Variants in MARCHF6 observed in about 807,000 individuals in gnomAD.
MARCHF6 encodes the protein membrane associated ring-CH-type finger 6.
A neutral mutation model predicts 133.7 loss-of-function variants in MARCHF6; 31 were observed. The observed-to-expected ratio is 0.23, with a 90% CI of 0.17 to 0.31. The LOEUF is 0.31. Among genes scored for constraint, MARCHF6 ranks in the 10% least tolerant of loss-of-function variants. The probability of loss-of-function intolerance (pLI) is 1.00; values close to 1 mark genes in which losing one functional copy is unlikely to be tolerated. For missense variants in MARCHF6, 723 were observed against 1,121.6 expected, an observed-to-expected ratio of 0.64 and a Z score of 5.08; for synonymous variants, 395 against 402.5, an observed-to-expected ratio of 0.98 and a Z score of 0.22.
At chr5:10,420,182 A>G (rs1455109683) in intron 22 of MARCHF6, among the ~76,000 whole-genome samples, 1 of 152,200 alleles carries the variant, frequency 6.6e-6, no homozygotes. Context: ...GTGACCCCAC[A>G]AACAAGAAGC....
rs1426134820 is a variant in MARCHF6 at position 10,418,388 on chromosome 5, A to G, written c.2283+984A>G. On this transcript the variant is annotated intron_variant, in intron 22 of 25. Coordinates refer to ENST00000274140, the MANE Select transcript of MARCHF6 (RefSeq NM_005885.4). ...AGAGTGAGACCCTGTCTCCAAAAAA[A>G]AAAAAAAAACCAAGAGCATCCTGAG... 2.6e-5 allele frequency among the ~76,000 whole-genome samples: 4 copies of G among 151,992 alleles called. No individual in the cohort carries two copies. In the East Asian group the frequency reaches 7.7e-4, roughly 29 times the overall value.
intron 11 of MARCHF6, chr5:10,401,120 C>T: frequency 2.8e-6 from 1 of 355,388 alleles, no homozygotes; most frequent in South Asian, 4.5e-5. Context: ...TTCTGTCCAT[C>T]TCAAGAACCT....
chr5:10,354,371 C>A (rs972173783), intron 1 of MARCHF6, among the ~76,000 whole-genome samples: 1 of 152,144 alleles, frequency 6.6e-6, no homozygotes, highest in Admixed American at 6.5e-5. Context: ...TTTGAAACTT[C>A]GCGAAAAATA....
intron 1 of MARCHF6, among the ~76,000 whole-genome samples, chr5:10,358,406 G>C (rs1296050586): frequency 6.6e-6 from 1 of 152,128 alleles, no homozygotes; most frequent in Non-Finnish European, 1.5e-5. Flanking sequence ...CCAGCTTTCT[G>C]TATTTGTGGG....
intron 1 of MARCHF6, among the ~76,000 whole-genome samples, chr5:10,370,595 C>T (rs973336972): frequency 2.6e-5 from 4 of 152,070 alleles, no homozygotes; most frequent in African/African-American, 9.6e-5. Context: ...ATTCCTCTTT[C>T]GGTGAGTGTG....
Position 10,378,692 on chromosome 5 carries a change from T to C in MARCHF6, c.117-67T>C, listed in dbSNP as rs1736935396. 3.0e-6 allele frequency: 3 copies of C among 1,007,266 alleles called. No individual in the cohort carries two copies. The Admixed American group carries it at 6.8e-5, about 23-fold the overall frequency. The allele number at this position is 1,007,266 out of a possible 1,614,324, so 62.4% of individuals were successfully genotyped here. ...ATATACATTTTTAATAAAAACAATGTTTTCGACAAAACTGTAATGTTTCTT... is the reference window on the plus strand; with the variant it reads ...ATATACATTTTTAATAAAAACAATGCTTTCGACAAAACTGTAATGTTTCTT... On this transcript the variant is annotated intron_variant, in intron 2 of 25. Transcript: ENST00000274140.
chr5:10,398,500 G>T (rs1219149053), intron 10 of MARCHF6, among the ~76,000 whole-genome samples: 1 of 151,992 alleles, frequency 6.6e-6, no homozygotes, highest in East Asian at 1.9e-4. Context: ...TTACATGTGG[G>T]GGTGTCTGTA....
intron 10 of MARCHF6, among the ~76,000 whole-genome samples, chr5:10,399,680 A>G (rs2126755517): frequency 6.6e-6 from 1 of 152,278 alleles, no homozygotes; most frequent in African/African-American, 2.4e-5. Context: ...AATCCATCAT[A>G]TTCAAACTCT....
At chr5:10,415,730 C>A (rs567395821) in intron 21 of MARCHF6, 61 bp downstream of exon 21, 3 of 1,410,640 alleles carry the variant, frequency 2.1e-6, no homozygotes, top group South Asian at 1.6e-5. Context: ...TTTTTCCAGT[C>A]ATCTTAAATT....
chr5:10,394,719 TTAAA>T (rs751943047), intron 8 of MARCHF6, 30 bp from the exon 9 acceptor site: 2 of 1,550,926 alleles, frequency 1.3e-6, no homozygotes, highest in Non-Finnish European at 8.8e-7. Flanking sequence ...CTGTTGCATC[TTAAA>T]TTAATGCTTA....
chr5:10,418,581 C>T (rs1296138721), intron 22 of MARCHF6, among the ~76,000 whole-genome samples: 1 of 152,088 alleles, frequency 6.6e-6, no homozygotes, highest in Non-Finnish European at 1.5e-5. Context: ...CATTCAAAGG[C>T]TTTTTAGCTT....
Position 10,434,147 on chromosome 5 carries a change from A to C in MARCHF6, c.*463A>C, listed in dbSNP as rs1452733596. 6.4e-6 allele frequency: 1 copy of C among 156,380 alleles called. No homozygotes were observed. The highest frequency in any genetic ancestry group is 1.4e-5 in the Non-Finnish European group (1 of 70,276). 9.7% of individuals were successfully genotyped at this position (156,380 alleles called of 1,614,324 possible). On this transcript the variant is annotated 3_prime_UTR_variant, in exon 26 of 26. Transcript: ENST00000274140. ...ACTGTACATTCTTTCTTTCTTGGCT[A>C]TTCAGACCTTACCAAGAACGTTAAA...
intron 6 of MARCHF6, among the ~76,000 whole-genome samples, chr5:10,391,127 G>GT (rs1448180829): frequency 1.3e-5 from 2 of 152,132 alleles, no homozygotes; most frequent in Non-Finnish European, 2.9e-5. Context: ...TTGTTTTCTA[G>GT]TTTTTTGTTT....
Position 10,353,892 on chromosome 5 carries a change from A to C in MARCHF6, c.-7A>C. 3.2e-6 allele frequency: 5 copies of C among 1,564,434 alleles called. No individual in the cohort carries two copies. Among genetic ancestry groups the C allele is most frequent in the Non-Finnish European group, 4.3e-6 (5 of 1,159,648 alleles). On this transcript the variant is annotated 5_prime_UTR_variant, in exon 1 of 26. Transcript: ENST00000274140. ...GTGGCTGCGTCACCGCCGCCCCCCC[A>C]GACAAGATGGACACCGCGGAGGAAG...
chr5:10,403,309 T>G, intron 14 of MARCHF6, 98 bp from the exon 15 acceptor site: 1 of 1,182,776 alleles, frequency 8.5e-7, no homozygotes, highest in Non-Finnish European at 1.2e-6. Flanking sequence ...AATTGTTCCT[T>G]GCATGCATAT....
Position 10,386,991 on chromosome 5 carries a change from T to C in MARCHF6, c.335-3T>C, listed in dbSNP as rs1248890686. ...TGTGTGCCATCATGCTCTTTTTCGG[T>C]AGGCCGCATCTACAAGTGCTTGTTT... On this transcript the variant is annotated splice_polypyrimidine_tract_variant and splice_region_variant and intron_variant, in intron 4 of 25. Transcript: ENST00000274140. 2.7e-5 allele frequency: 43 copies of C among 1,612,522 alleles called. No individual in the cohort carries two copies. Among genetic ancestry groups the C allele is most frequent in the Non-Finnish European group, 3.6e-5 (43 of 1,178,758 alleles).
Position 10,387,086 on chromosome 5 carries a change from G to T in MARCHF6, c.407+20G>T. The T allele has an allele frequency of 6.3e-7, 1 of 1,575,444 alleles. No homozygotes were observed. The highest frequency in any genetic ancestry group is 1.1e-5 in the South Asian group (1 of 88,428). ...GTCAACGTGAGTATTGAACCTCTGT[G>T]ACGAATGTTGCATGATGTAGATGAT... On this transcript the variant is annotated intron_variant, in intron 5 of 25. Coordinates refer to ENST00000274140, the MANE Select transcript of MARCHF6 (RefSeq NM_005885.4).
intron 1 of MARCHF6, among the ~76,000 whole-genome samples, chr5:10,364,969 A>T (rs571973955): frequency 6.6e-6 from 1 of 151,704 alleles, no homozygotes; most frequent in African/African-American, 2.4e-5. Flanking sequence ...ACGCCCGGCT[A>T]ATTTTGTATT....
rs1740605160 is a variant in MARCHF6, at chr5:10,435,667, ATATATATATATATATATATATATATATAT to A, written c.*1984_*2012del. ...TATATATATATATATATATATATAT[ATATATATATATATATATATATATATATAT>A]ATTTTTTTTTTTTTTTTTTTTTTTT... On this transcript the variant is annotated 3_prime_UTR_variant, in exon 26 of 26. Coordinates refer to ENST00000274140, the MANE Select transcript of MARCHF6 (RefSeq NM_005885.4). The A allele has an allele frequency of 1.4e-4, 1 of 7,038 alleles. No homozygotes were observed. Among genetic ancestry groups the A allele is most frequent in the Non-Finnish European group, 2.4e-4 (1 of 4,212 alleles). The allele number at this position is 7,038 out of a possible 1,614,324, so 0.4% of individuals were successfully genotyped here. A position where few individuals can be genotyped will look rare whatever the true frequency, so the allele number is the denominator to read the frequency against.
Sources: gnomAD v4.1 joint callset for allele counts (sites outside exome capture counted in the v4.1 genomes callset) on GRCh38, gnomAD v4.1.1 for gene constraint, MANE v1.5 for transcripts, NCBI Gene and HGNC (gene_info 2026-07-23, HGNC 2026-07-21) for gene names.